The following FRMD4A variants were observed in gnomAD, a reference collection of about 807,000 sequenced individuals.
FRMD4A encodes FERM domain containing 4A.
Under a neutral mutation model 129.1 loss-of-function variants are expected in FRMD4A, and 29 were observed. The observed-to-expected ratio is 0.22, with a 90% CI of 0.17 to 0.31. The LOEUF (loss-of-function observed/expected upper bound fraction) is 0.31, where lower values mean the gene tolerates loss of function less well. FRMD4A is among the 10% of genes least tolerant of loss of function. The pLI is 1.00. For missense variants in FRMD4A, 1,272 were observed against 1,375.8 expected (o/e 0.92, Z 1.19); for synonymous variants, 634 against 571.6 (o/e 1.11, Z -1.56).
chr10:14,073,391 T>G (rs1319790941), intron 2 of FRMD4A, among the ~76,000 whole-genome samples: 4 of 152,064 alleles, frequency 2.6e-5, no homozygotes, highest in African/African-American at 4.8e-5. Context: ...ATCCATTGAG[T>G]TGCTGCAAGA....
At chr10:14,185,357 T>C (rs912393398) in intron 2 of FRMD4A, among the ~76,000 whole-genome samples, 4 of 152,194 alleles carry the variant, frequency 2.6e-5, no homozygotes, top group African/African-American at 9.6e-5. Flanking sequence ...TAGTGAGAGA[T>C]CTGTGTGTCT....
At position 13,666,228 on chromosome 10, in the gene FRMD4A, T is replaced by C; in HGVS notation, c.1472A>G (p.Lys491Arg). 1.2e-6 allele frequency: 2 copies of C among 1,614,090 alleles called. No homozygotes were observed. The highest frequency in any genetic ancestry group is 1.7e-6 in the Non-Finnish European group (2 of 1,179,936). Residue 491 changes from lysine (K) to arginine (R), a missense_variant, in exon 18 of 25, where the codon AAA (lysine) becomes AGA (arginine). Physicochemically the swap from Lys to Arg is conservative, Grantham distance 26. Around this residue, in one of 2 missense-constraint regions of FRMD4A, gnomAD observed 972 missense variants for 892.3 expected, o/e 1.09. Coordinates refer to ENST00000357447, the MANE Select transcript of FRMD4A (RefSeq NM_018027.5). ...RLASDPNVSKKLKKQRKTSYL... is the reference protein window; with the variant it reads ...RLASDPNVSKRLKKQRKTSYL... ...CGAGGTTTTCCTTTGTTTCTTCAGT[T>C]TTTTGCTGACGTTGGGGTCACTGGC...
chr10:13,875,555 A>G (rs1433830915), intron 2 of FRMD4A, among the ~76,000 whole-genome samples: 1 of 152,234 alleles, frequency 6.6e-6, no homozygotes, highest in African/African-American at 2.4e-5. Context: ...CTAGAAGCCC[A>G]GCATCGGAAT....
Position 14,038,885 on chromosome 10 carries a change from T to C in FRMD4A, c.46-179973A>G, listed in dbSNP as rs141555578. ...CTGCGAATCTGATTAGGTTTCTATG[T>C]ATTCTCAAGGTCACTAGCTGTGTTT... On this transcript the variant is annotated intron_variant, in intron 2 of 24. Transcript: ENST00000357447. Among the ~76,000 whole-genome samples the C allele has an allele frequency of 5.9e-5, 9 of 152,322 alleles. No individual in the cohort carries two copies. The East Asian group carries it at 1.7e-3, about 29-fold the overall frequency.
intron 2 of FRMD4A, chr10:13,890,505 AG>A: frequency 1.0e-6 from 1 of 974,778 alleles, no homozygotes; most frequent in Non-Finnish European, 1.2e-6. Context: ...GGGGGGTACC[AG>A]CAGCTGAACC....
intron 14 of FRMD4A, 27 bp downstream of exon 14, chr10:13,701,313 G>A: frequency 3.7e-6 from 6 of 1,602,998 alleles, no homozygotes; most frequent in Non-Finnish European, 5.1e-6. Flanking sequence ...CAATGGCCCG[G>A]GCTTGGTGAG....
At chr10:13,772,584 T>G (rs1480081901) in intron 6 of FRMD4A, among the ~76,000 whole-genome samples, 1 of 152,184 alleles carries the variant, frequency 6.6e-6, no homozygotes, top group African/African-American at 2.4e-5. Flanking sequence ...ACAAACCATC[T>G]TTGTGTCCTA....
intron 2 of FRMD4A, among the ~76,000 whole-genome samples, chr10:14,262,058 A>G (rs1844825239): frequency 6.6e-6 from 1 of 151,864 alleles, no homozygotes. Flanking sequence ...TGTCTTCAGC[A>G]TACTTCCTCT....
chr10:14,014,736 C>T (rs2131639046), intron 2 of FRMD4A, among the ~76,000 whole-genome samples: 1 of 152,358 alleles, frequency 6.6e-6, no homozygotes, highest in East Asian at 1.9e-4. Context: ...TTATCTCCAG[C>T]TCACCAGTGT....
At chr10:14,240,760 C>T (rs1844013055) in intron 2 of FRMD4A, among the ~76,000 whole-genome samples, 1 of 152,168 alleles carries the variant, frequency 6.6e-6, no homozygotes, top group Non-Finnish European at 1.5e-5. Flanking sequence ...AGGTAACATT[C>T]GGCTTCATTC....
At chr10:13,868,899 GCTC>G (rs1269641365) in intron 2 of FRMD4A, among the ~76,000 whole-genome samples, 1 of 152,182 alleles carries the variant, frequency 6.6e-6, no homozygotes, top group East Asian at 1.9e-4. Context: ...TAAGTGAGTG[GCTC>G]TATTAGAAAC....
intron 12 of FRMD4A, among the ~76,000 whole-genome samples, chr10:13,734,135 T>C (rs2090481387): frequency 6.6e-6 from 1 of 152,142 alleles, no homozygotes; most frequent in Non-Finnish European, 1.5e-5. Flanking sequence ...TCATTCTGCA[T>C]TGCCCTCCTT....
At chr10:14,084,129 A>G (rs546267239) in intron 2 of FRMD4A, among the ~76,000 whole-genome samples, 40 of 152,322 alleles carry the variant, frequency 2.6e-4, no homozygotes, top group African/African-American at 8.7e-4. Context: ...GAAAGTAAAA[A>G]GGCCCATGCA....
chr10:13,743,747 G>C (rs994439201), intron 9 of FRMD4A, among the ~76,000 whole-genome samples: 1 of 152,054 alleles, frequency 6.6e-6, no homozygotes, highest in Non-Finnish European at 1.5e-5. Flanking sequence ...TTTCCTGCTT[G>C]TTTTGCCCCC....
intron 2 of FRMD4A, among the ~76,000 whole-genome samples, chr10:14,245,775 A>G (rs1164445013): frequency 6.6e-6 from 1 of 152,118 alleles, no homozygotes. Context: ...TAACACCTTA[A>G]TCTCGGACTG....
chr10:13,730,884 C>T lies in FRMD4A; in HGVS notation c.759+6960G>A, dbSNP rs931848935. On this transcript the variant is annotated intron_variant, in intron 12 of 24. Transcript: ENST00000357447. The stretch of plus-strand genomic sequence containing the variant: ...CAAAAAAAAAAAAAAAAAAATTAGC[C>T]AGGCATGGTGACACACGCCTATAGT... Among the ~76,000 whole-genome samples, 19 of 101,818 alleles carry T rather than the reference C, an allele frequency of 1.9e-4. No individual in the cohort carries two copies. The East Asian group carries it at 3.0e-3, about 16-fold the overall frequency. The allele number at this position is 101,818 out of a possible 152,430, so 66.8% of individuals were successfully genotyped here. A position where few individuals can be genotyped will look rare whatever the true frequency, so the allele number is the denominator to read the frequency against.
intron 2 of FRMD4A, among the ~76,000 whole-genome samples, chr10:14,134,173 G>A (rs961635352): frequency 6.6e-6 from 1 of 151,836 alleles, no homozygotes. Flanking sequence ...GTCTTTTTTT[G>A]TTTATTCCCA....
rs1843696845 is a variant in FRMD4A, at chr10:14,233,329, G to A, written c.45+96729C>T. 2.0e-5 allele frequency among the ~76,000 whole-genome samples: 3 copies of A among 152,184 alleles called. No individual in the cohort carries two copies. In the South Asian group the frequency reaches 6.2e-4, roughly 32 times the overall value. The stretch of plus-strand genomic sequence containing the variant: ...TCACACCTGTTATCCCAACACTTTG[G>A]GAGGCCGAGGAGGGCAGATCACCTG... On this transcript the variant is annotated intron_variant, in intron 2 of 24. Transcript: ENST00000357447.
intron 2 of FRMD4A, among the ~76,000 whole-genome samples, chr10:14,307,872 C>G (rs999349816): frequency 3.3e-5 from 5 of 152,220 alleles, no homozygotes; most frequent in African/African-American, 1.2e-4. Flanking sequence ...GACTCTAGCC[C>G]TGGGTCCTAG....
Sources: gnomAD v4.1 joint callset for allele counts (sites outside exome capture counted in the v4.1 genomes callset) on GRCh38, gnomAD v4.1.1 for gene constraint, gnomAD v4.1.1 regional missense constraint, MANE v1.5 for transcripts, NCBI Gene and HGNC (gene_info 2026-07-23, HGNC 2026-07-21) for gene names.